Variants in TRIM2 observed in about 807,000 individuals in gnomAD.
TRIM2 encodes tripartite motif-containing protein 2.
A neutral mutation model predicts 75.2 loss-of-function variants in TRIM2; 20 were observed. That is an observed-to-expected ratio of 0.27 (90% CI 0.19 to 0.39). TRIM2 has a LOEUF of 0.39. Among genes scored for constraint, TRIM2 ranks in the 10% least tolerant of loss-of-function variants. TRIM2 has a pLI of 1.00. For synonymous variants in TRIM2, 373 were observed against 388.3 expected, an observed-to-expected ratio of 0.96 and a Z score of 0.46; for missense variants, 660 against 990.8, an observed-to-expected ratio of 0.67 and a Z score of 4.48.
intron 1 of TRIM2, among the ~76,000 whole-genome samples, chr4:153,244,256 C>CTCTTCCTCT (rs1560873046): frequency 0.019 from 22 of 1,154 alleles, 4 homozygotes; most frequent in African/African-American, 0.07. Context: ...CTCTTCTTTC[C>CTCTTCCTCT]TCCTCCTCCT....
chr4:153,187,236 A>G (rs1348927731), intron 1 of TRIM2, among the ~76,000 whole-genome samples: 2 of 152,172 alleles, frequency 1.3e-5, no homozygotes, highest in Non-Finnish European at 2.9e-5. Flanking sequence ...TGGGGCCCCA[A>G]AGGATGAAAA....
Position 153,315,816 on chromosome 4 carries a change from G to C in TRIM2, c.1615-16G>C. 1.9e-6 allele frequency: 3 copies of C among 1,614,072 alleles called. No homozygotes were observed. Among genetic ancestry groups the C allele is most frequent in the Non-Finnish European group, 2.5e-6 (3 of 1,179,970 alleles). ...TGTACTAGTTCACATTCCAATGAAT[G>C]TAATTTATCTTACAGATATTTTCCA... On this transcript the variant is annotated splice_polypyrimidine_tract_variant and intron_variant, in intron 7 of 11. Transcript: ENST00000338700.
In TRIM2 at chr4:153,175,022, T is replaced by G. The variant is rs201116318; in HGVS notation, c.-49+21752T>G. Among the ~76,000 whole-genome samples, 584 of 114,140 alleles carry G rather than the reference T, an allele frequency of 5.1e-3. 3 individuals are homozygous for G. The highest frequency in any genetic ancestry group is 0.015 in the African/African-American group (478 of 32,070). 74.9% of individuals were successfully genotyped at this position (114,140 alleles called of 152,430 possible). A position where few individuals can be genotyped will look rare whatever the true frequency, so the allele number is the denominator to read the frequency against. ...TTTTGTTTTTGTTTTGTTTTGTTTT[T>G]TTTTGAGACAGAGTTTTGCTCCTAT... is the stretch of plus-strand genomic sequence containing the variant. On this transcript the variant is annotated intron_variant, in intron 1 of 11. Coordinates refer to the TRIM2 transcript ENST00000437508.
intron 1 of TRIM2, chr4:153,222,361 G>A (rs1740828418): frequency 6.6e-6 from 1 of 152,242 alleles, no homozygotes; most frequent in Non-Finnish European, 1.5e-5. Context: ...TGTGTTTACG[G>A]GACTGGGGAA....
chr4:153,291,675 A>G (rs970105157), intron 3 of TRIM2, among the ~76,000 whole-genome samples: 6 of 152,134 alleles, frequency 3.9e-5, no homozygotes, highest in Non-Finnish European at 8.8e-5. Flanking sequence ...TTCTGGCTTT[A>G]TATTATATTG....
Position 153,248,823 on chromosome 4 carries a change from C to T in TRIM2, c.31-21512C>T, listed in dbSNP as rs770407109. ...GAGGATGGTGTCAGATTCCCCTGTCCTCTGATTAGCTCCCTCTGCCAAGGT... is the reference window on the plus strand; with the variant it reads ...GAGGATGGTGTCAGATTCCCCTGTCTTCTGATTAGCTCCCTCTGCCAAGGT... On this transcript the variant is annotated intron_variant, in intron 1 of 11. Coordinates refer to ENST00000338700, the MANE Select transcript of TRIM2 (RefSeq NM_015271.5). This position sits in a 1 kb window ranked among gnomAD's most constrained non-coding sequence, Gnocchi z 4.0. 2.0e-4 allele frequency among the ~76,000 whole-genome samples: 30 copies of T among 152,214 alleles called. No individual in the cohort carries two copies. The highest frequency in any genetic ancestry group is 7.2e-4 in the Admixed American group (11 of 15,288).
In TRIM2 at chr4:153,336,950, A is replaced by G. The variant is rs1772522126; in HGVS notation, c.*1984A>G. 1 of 984,190 alleles carries G rather than the reference A, an allele frequency of 1.0e-6. No individual in the cohort carries two copies. Among genetic ancestry groups the G allele is most frequent in the Non-Finnish European group, 1.2e-6 (1 of 828,872 alleles). The allele number at this position is 984,190 out of a possible 1,614,324, so 61.0% of individuals were successfully genotyped here. ...CACTGTTTCCTAACATCAGTGAGAT[A>G]CATCTTTGAATTTAAACATTCATAT... On this transcript the variant is annotated 3_prime_UTR_variant, in exon 12 of 12. Transcript: ENST00000338700.
chr4:153,338,601 G>T lies in TRIM2; in HGVS notation c.*3635G>T, dbSNP rs1259999276. 2 of 985,128 alleles carry T rather than the reference G, an allele frequency of 2.0e-6. No homozygotes were observed. The highest frequency in any genetic ancestry group is 2.4e-6 in the Non-Finnish European group (2 of 829,398). 61.0% of individuals were successfully genotyped at this position (985,128 alleles called of 1,614,324 possible). On this transcript the variant is annotated 3_prime_UTR_variant, in exon 12 of 12. Transcript: ENST00000338700. ...TAAAGGAAACTAAGTGCCCATCAAA[G>T]ATTTGTTTGGTATAAATAAAGAATT...
Position 153,308,253 on chromosome 4 carries a change from A to G in TRIM2, c.1511-7232A>G, listed in dbSNP as rs183234920. On this transcript the variant is annotated intron_variant, in intron 6 of 11. Transcript: ENST00000338700. The stretch of plus-strand genomic sequence containing the variant: ...TCTTCTACCCTTTGCCAGGGCAACC[A>G]TCAGCTTGCAGAAGTCACCAGATGT... 39 of 1,554,280 alleles carry G rather than the reference A, an allele frequency of 2.5e-5. No homozygotes were observed. In the African/African-American group the frequency reaches 4.1e-4, roughly 16 times the overall value.
chr4:153,208,505 A>T (rs975104910), intron 1 of TRIM2, among the ~76,000 whole-genome samples: 1 of 152,102 alleles, frequency 6.6e-6, no homozygotes, highest in Non-Finnish European at 1.5e-5. Context: ...ACTATCTAAA[A>T]TTTTCATAGT....
At chr4:153,286,634 A>G (rs1760681545) in intron 3 of TRIM2, among the ~76,000 whole-genome samples, 1 of 152,044 alleles carries the variant, frequency 6.6e-6, no homozygotes, top group African/African-American at 2.4e-5. Flanking sequence ...GTATTCTGTT[A>G]TAATCCTTTT....
intron 1 of TRIM2, among the ~76,000 whole-genome samples, chr4:153,161,447 A>C (rs920916941): frequency 6.6e-6 from 1 of 152,244 alleles, no homozygotes; most frequent in African/African-American, 2.4e-5. Context: ...TGAGACTTAG[A>C]GAGATTGAGT....
chr4:153,287,826 T>C (rs1046471948), intron 3 of TRIM2, among the ~76,000 whole-genome samples: 1 of 152,244 alleles, frequency 6.6e-6, no homozygotes, highest in African/African-American at 2.4e-5. Flanking sequence ...ACATTAATAC[T>C]GACCTTTATA....
At chr4:153,274,886 G>T (rs569274254) in intron 2 of TRIM2, among the ~76,000 whole-genome samples, 1 of 152,300 alleles carries the variant, frequency 6.6e-6, no homozygotes, top group East Asian at 1.9e-4. Context: ...TTCATGTCTG[G>T]TATTGGTTCA....
intron 5 of TRIM2, 86 bp downstream of exon 5, chr4:153,294,571 T>A: frequency 3.7e-6 from 5 of 1,334,836 alleles, no homozygotes; most frequent in Non-Finnish European, 5.2e-6. Flanking sequence ...CAACAAGGGG[T>A]CCTTAAGTGT....
intron 6 of TRIM2, chr4:153,308,526 G>C (rs369070891): frequency 5.3e-6 from 4 of 747,958 alleles, no homozygotes; most frequent in Non-Finnish European, 7.3e-6. Context: ...GTTCCTTTTT[G>C]GTCCTTCTCT....
chr4:153,339,137 G>A lies in TRIM2; in HGVS notation c.*4171G>A, dbSNP rs930576821. ...TGCCTATTTAAAGAAAAGAATGAAC[G>A]CTGTGCATCAAAGTGTTTGTATGTT... On this transcript the variant is annotated 3_prime_UTR_variant, in exon 12 of 12. Coordinates refer to ENST00000338700, the MANE Select transcript of TRIM2 (RefSeq NM_015271.5). The A allele has an allele frequency of 4.1e-6, 4 of 985,648 alleles. No individual in the cohort carries two copies. Among genetic ancestry groups the A allele is most frequent in the East Asian group, 1.1e-4 (1 of 8,830 alleles). 61.1% of individuals were successfully genotyped at this position (985,648 alleles called of 1,614,324 possible).
intron 6 of TRIM2, chr4:153,307,692 C>T (rs1304057206): frequency 5.4e-5 from 28 of 516,942 alleles, no homozygotes; most frequent in Non-Finnish European, 9.8e-5. Context: ...TAGTCACAAG[C>T]GGGTTTTCTA....
intron 1 of TRIM2, among the ~76,000 whole-genome samples, chr4:153,156,407 C>T (rs1729234581): frequency 6.6e-6 from 1 of 152,152 alleles, no homozygotes; most frequent in African/African-American, 2.4e-5. Context: ...ATTAAGGAGG[C>T]TGCCCCCTGG....
Sources: gnomAD v4.1 joint callset for allele counts (sites outside exome capture counted in the v4.1 genomes callset) on GRCh38, gnomAD v4.1.1 for gene constraint, Gnocchi (gnomAD v3.1) non-coding constraint, MANE v1.5 for transcripts, NCBI Gene and HGNC (gene_info 2026-07-23, HGNC 2026-07-21) for gene names.